Variants in USP9X observed in about 807,000 individuals in gnomAD.
USP9X encodes ubiquitin carboxyl-terminal hydrolase 9X.
Under a neutral mutation model 190.3 loss-of-function variants are expected in USP9X, and 7 were observed. The ratio of observed to expected loss-of-function variants is 0.04; its 90% CI spans 0.02 to 0.07. USP9X has a LOEUF of 0.07. Among genes scored for constraint, USP9X ranks in the 10% least tolerant of loss-of-function variants. The pLI, the probability that USP9X is intolerant of heterozygous loss-of-function variation, is 1.00. For synonymous variants in USP9X, 645 were observed against 659.5 expected, an observed-to-expected ratio of 0.98 and a Z score of 0.34; for missense variants, 1,010 against 1,916.9, an observed-to-expected ratio of 0.53 and a Z score of 8.83.
In USP9X at chrX:41,198,884, T is replaced by C. The variant is rs948487672; in HGVS notation, c.4603+134T>C. ...TAGTTTAACATTTTTAGTGAGTGAA[T>C]GAACAGTTAAGACCATTATAGGCCG... On this transcript the variant is annotated intron_variant, in intron 30 of 44. Transcript: ENST00000378308. 24 of 644,291 alleles carry C rather than the reference T, an allele frequency of 3.7e-5. No homozygotes were observed. The Admixed American group carries it at 8.1e-4, about 22-fold the overall frequency. 53.1% of individuals were successfully genotyped at this position (644,291 alleles called of 1,213,427 possible).
At chrX:41,182,327 G>A (rs746017143) in intron 21 of USP9X, among the ~76,000 whole-genome samples, 267 of 110,979 alleles carry the variant, frequency 2.4e-3, no homozygotes, top group African/African-American at 8.0e-3. Context: ...CAGTCCTCAC[G>A]CCACTGCACT....
intron 41 of USP9X, 42 bp downstream of exon 41, chrX:41,225,179 AG>A: frequency 8.8e-7 from 1 of 1,141,775 alleles, no homozygotes; most frequent in East Asian, 3.0e-5. Flanking sequence ...AGGCTTGCCC[AG>A]GTGTTAGAGT....
In USP9X at chrX:41,107,077, G is replaced by T. The variant is rs2062075570; in HGVS notation, c.-158-16394G>T. ...AAGTTTTGTATTTTTAGTAGAGATG[G>T]GTTTCACAATGTTGGCCAGGCTGGT... On this transcript the variant is annotated intron_variant, in intron 1 of 44. Transcript: ENST00000378308. Among the ~76,000 whole-genome samples, 3 of 108,036 alleles carry T rather than the reference G, an allele frequency of 2.8e-5. No homozygotes were observed. The South Asian group carries it at 1.2e-3, about 43-fold the overall frequency. 93.8% of individuals were successfully genotyped at this position (108,036 alleles called of 115,157 possible).
intron 5 of USP9X, among the ~76,000 whole-genome samples, chrX:41,135,045 C>G (rs1263706453): frequency 8.9e-6 from 1 of 111,989 alleles, no homozygotes; most frequent in Non-Finnish European, 1.9e-5. Context: ...TAGAGTTAAG[C>G]TTGGGTTTAA....
At position 41,217,337 on chromosome X, in the gene USP9X, G is replaced by T. The variant is rs2063221644; in HGVS notation, c.6203G>T (p.Ser2068Ile). The T allele has an allele frequency of 8.3e-7, 1 of 1,205,475 alleles. No homozygotes were observed. The highest frequency in any genetic ancestry group is 1.1e-6 in the Non-Finnish European group (1 of 893,643). The change falls in exon 36 of 45, where the codon AGT (serine) becomes ATT (isoleucine). Residue 2068 changes from serine (S) to isoleucine (I), a missense_variant. By Grantham distance (142) the Ser-to-Ile change is moderately radical. Around this residue, in one of 11 missense-constraint regions of USP9X, gnomAD observed 121 missense variants for 281.2 expected, o/e 0.43. Coordinates refer to ENST00000378308, the MANE Select transcript of USP9X (RefSeq NM_001039591.3). ...AAGAAAGTAGTCCGTGGCTCTGCCA[G>T]TGATTGGTACATTGCTTTGGATTTT... ...HTKKVVRGSASDWYDALCILL... is the reference protein window; with the variant it reads ...HTKKVVRGSAIDWYDALCILL...
intron 14 of USP9X, among the ~76,000 whole-genome samples, chrX:41,153,324 C>G (rs1414302029): frequency 4.5e-5 from 5 of 111,568 alleles, no homozygotes; most frequent in African/African-American, 1.6e-4. Context: ...GCCTTTTTTA[C>G]GATTGATCGC....
chrX:41,210,343 G>T (rs1990419589), intron 32 of USP9X, among the ~76,000 whole-genome samples, 166 bp from the exon 33 acceptor site: 1 of 112,115 alleles, frequency 8.9e-6, no homozygotes. Flanking sequence ...TACAGGGAAA[G>T]CACATTCTTT....
intron 4 of USP9X, among the ~76,000 whole-genome samples, chrX:41,132,804 C>T (rs1033476246): frequency 2.8e-5 from 3 of 109,069 alleles, no homozygotes; most frequent in Admixed American, 9.9e-5. Flanking sequence ...CTTAAAGAAT[C>T]GGAAGATGAA....
chrX:41,162,641 G>A, intron 14 of USP9X, 149 bp from the exon 15 acceptor site: 2 of 393,218 alleles, frequency 5.1e-6, no homozygotes, highest in East Asian at 8.4e-5. Context: ...ACAGGAGATG[G>A]ATAGAAACCA....
chrX:41,116,784 T>G (rs894856859), intron 1 of USP9X, among the ~76,000 whole-genome samples: 1 of 111,746 alleles, frequency 8.9e-6, no homozygotes, highest in African/African-American at 3.3e-5. Flanking sequence ...TTTCTTTTTT[T>G]TGTGTGGGTA....
chrX:41,174,774 C>G (rs1276424185), intron 21 of USP9X, among the ~76,000 whole-genome samples: 1 of 111,294 alleles, frequency 9.0e-6, no homozygotes, highest in South Asian at 3.8e-4. Flanking sequence ...GTGGGCAGAT[C>G]GCTTGAGGCC....
At chrX:41,114,132 G>C (rs1489312030) in intron 1 of USP9X, among the ~76,000 whole-genome samples, 2 of 112,537 alleles carry the variant, frequency 1.8e-5, no homozygotes, top group African/African-American at 6.5e-5. Flanking sequence ...GTCTATCATA[G>C]TAAAAAATGA....
At position 41,197,384 on chromosome X, in the gene USP9X, A is replaced by C; in HGVS notation, c.4254A>C (p.Gly1418=). Residue 1418 remains glycine, a synonymous_variant, in exon 29 of 45, where the codon GGA becomes GGC. Transcript: ENST00000378308. Reference sequence around the variant, plus strand: ...GGCAGGATGATGTTAAAAGAACAGGAGAAACGGGTATTGAAGAGACGATCT... The same window carrying C: ...GGCAGGATGATGTTAAAAGAACAGGCGAAACGGGTATTGAAGAGACGATCT... ...KRIRDDVKRT[G]ETGIEETILE... 1.0e-6 allele frequency: 1 copy of C among 997,113 alleles called. No homozygotes were observed. Among genetic ancestry groups the C allele is most frequent in the Non-Finnish European group, 1.3e-6 (1 of 765,897 alleles). The allele number at this position is 997,113 out of a possible 1,213,427, so 82.2% of individuals were successfully genotyped here.
At chrX:41,132,138 C>T (rs1296657897) in intron 4 of USP9X, among the ~76,000 whole-genome samples, 2 of 110,226 alleles carry the variant, frequency 1.8e-5, no homozygotes, top group African/African-American at 3.3e-5. Context: ...TAAACTGTCT[C>T]GCTTACATAT....
In USP9X at chrX:41,223,507, G is replaced by A. The variant is rs754042977; in HGVS notation, c.6751+105G>A. ...GGCTGGAGTGCAATGGCGTGATCTC[G>A]GCTCACTGTAACCTCCGCCTCCCTG... On this transcript the variant is annotated intron_variant, in intron 39 of 44. Transcript: ENST00000378308. 1.4e-3 allele frequency: 1,224 copies of A among 863,055 alleles called. 2 individuals carry two copies. The highest frequency in any genetic ancestry group is 1.9e-3 in the Non-Finnish European group (1,139 of 602,979). The allele number at this position is 863,055 out of a possible 1,213,427, so 71.1% of individuals were successfully genotyped here.
chrX:41,204,902 C>G lies in USP9X; in HGVS notation c.4825-401C>G, dbSNP rs374317009. Among the ~76,000 whole-genome samples the G allele has an allele frequency of 9.8e-5, 11 of 111,826 alleles. No individual in the cohort carries two copies. In the East Asian group the frequency reaches 2.5e-3, roughly 26 times the overall value. On this transcript the variant is annotated intron_variant, in intron 31 of 44. Coordinates refer to ENST00000378308, the MANE Select transcript of USP9X (RefSeq NM_001039591.3). ...ATATAGGTATATTTTATTGACAGAT[C>G]TGAGCATTTTATATACAACAGCTAC...
At chrX:41,191,828 G>T in intron 26 of USP9X, among the ~76,000 whole-genome samples, 1 of 112,177 alleles carries the variant, frequency 8.9e-6, no homozygotes, top group South Asian at 3.7e-4. Context: ...TACCTGGAAG[G>T]AGCAAAAGTG....
intron 1 of USP9X, among the ~76,000 whole-genome samples, chrX:41,101,559 C>G: frequency 9.0e-6 from 1 of 111,509 alleles, no homozygotes. Context: ...CAAACAGTCT[C>G]CCTGCTTCAG....
At chrX:41,150,451 A>G (rs935660159) in intron 12 of USP9X, among the ~76,000 whole-genome samples, 3 of 111,303 alleles carry the variant, frequency 2.7e-5, no homozygotes, top group African/African-American at 6.5e-5. Flanking sequence ...TTGTCATTCT[A>G]TTTATTTTCT....
Sources: gnomAD v4.1 joint callset for allele counts (sites outside exome capture counted in the v4.1 genomes callset) on GRCh38, gnomAD v4.1.1 for gene constraint, gnomAD v4.1.1 regional missense constraint, MANE v1.5 for transcripts, NCBI Gene and HGNC (gene_info 2026-07-23, HGNC 2026-07-21) for gene names.